Variants in PPP1R12A observed in about 807,000 individuals in gnomAD.
The protein encoded by PPP1R12A is myosin binding subunit.
Under a neutral mutation model 139.6 loss-of-function variants are expected in PPP1R12A, and 19 were observed. The ratio of observed to expected loss-of-function variants is 0.14; its 90% CI spans 0.09 to 0.20. PPP1R12A has a LOEUF of 0.20. PPP1R12A is among the 10% of genes least tolerant of loss of function. The pLI, the probability that PPP1R12A is intolerant of heterozygous loss-of-function variation, is 1.00. For synonymous variants in PPP1R12A, 427 were observed against 420.6 expected, an observed-to-expected ratio of 1.02 and a Z score of -0.19; for missense variants, 925 against 1,211.5, an observed-to-expected ratio of 0.76 and a Z score of 3.51.
intron 1 of PPP1R12A, among the ~76,000 whole-genome samples, chr12:79,899,231 AAAATATATATATATAT>A (rs1183095657): frequency 4.1e-5 from 5 of 122,708 alleles, no homozygotes; most frequent in East Asian, 5.2e-4. Flanking sequence ...AGAGATCTTA[AAAATATATATATATAT>A]ATATATATAT....
At chr12:79,877,674 C>A (rs1320142203) in intron 1 of PPP1R12A, among the ~76,000 whole-genome samples, 1 of 152,112 alleles carries the variant, frequency 6.6e-6, no homozygotes, top group Non-Finnish European at 1.5e-5. Context: ...TGCCACCATG[C>A]CTGGCTAATT....
chr12:79,903,442 C>A, intron 1 of PPP1R12A, among the ~76,000 whole-genome samples: 1 of 141,408 alleles, frequency 7.1e-6, no homozygotes, highest in Non-Finnish European at 1.5e-5. Flanking sequence ...CAGAGCAGGA[C>A]TCCATCTCAA....
chr12:79,867,956 A>C (rs1394610124), intron 2 of PPP1R12A, among the ~76,000 whole-genome samples: 2 of 152,198 alleles, frequency 1.3e-5, no homozygotes, highest in Non-Finnish European at 2.9e-5. Context: ...TGAGTCAATT[A>C]AATCTTGTTC....
chr12:79,865,127 AGTCG>A (rs1881818151), intron 2 of PPP1R12A, among the ~76,000 whole-genome samples: 2 of 152,234 alleles, frequency 1.3e-5, no homozygotes, highest in Non-Finnish European at 2.9e-5. Context: ...ACCACGATCA[AGTCG>A]GCTTCAGCCC....
In PPP1R12A at chr12:79,845,244, G is replaced by A. The variant is rs1242539718; in HGVS notation, c.487+58C>T. On this transcript the variant is annotated intron_variant, in intron 3 of 24. Coordinates refer to ENST00000450142, the MANE Select transcript of PPP1R12A (RefSeq NM_002480.3). ...TTCAATGTCAACAAATATTTTTGCT[G>A]GAAAAGTATCACATTCTTTCTAAAA... is the stretch of plus-strand genomic sequence containing the variant. The A allele has an allele frequency of 6.1e-6, 8 of 1,305,410 alleles. No individual in the cohort carries two copies. The African/African-American group carries it at 1.0e-4, about 17-fold the overall frequency. 80.9% of individuals were successfully genotyped at this position (1,305,410 alleles called of 1,614,324 possible).
In PPP1R12A at chr12:79,845,333, T is replaced by C; in HGVS notation, c.456A>G (p.Glu152=). 1 of 1,613,000 alleles carries C rather than the reference T, an allele frequency of 6.2e-7. No individual in the cohort carries two copies. The highest frequency in any genetic ancestry group is 8.5e-7 in the Non-Finnish European group (1 of 1,179,126). Residue 152 remains glutamate (E), a synonymous_variant, in exon 3 of 25, where the codon GAA becomes GAG. Coordinates refer to ENST00000450142, the MANE Select transcript of PPP1R12A (RefSeq NM_002480.3). ...GATTAACTTCATTTTGAAGTAGCTC[T>C]TCCATTGCCTCCTCCTCCGCAATAT... ...PLDIAEEEAM[E]ELLQNEVNRQ...
chr12:79,894,700 CTTT>C (rs892491122), intron 1 of PPP1R12A, among the ~76,000 whole-genome samples: 2 of 152,116 alleles, frequency 1.3e-5, no homozygotes, highest in Admixed American at 1.3e-4. Flanking sequence ...TCACGCACTC[CTTT>C]GTCATTTTAA....
Position 79,816,672 on chromosome 12 carries a change from G to A in PPP1R12A, c.1239+722C>T, listed in dbSNP as rs1461859936. Among the ~76,000 whole-genome samples the A allele has an allele frequency of 3.3e-5, 5 of 152,128 alleles. No individual in the cohort carries two copies. The South Asian group carries it at 1.0e-3, about 32-fold the overall frequency. On this transcript the variant is annotated intron_variant, in intron 9 of 24. Coordinates refer to ENST00000450142, the MANE Select transcript of PPP1R12A (RefSeq NM_002480.3). ...AGGGATGGAGAACAGACAGAGAACA[G>A]AAAGAAGAGAAAGAAATGAAACTAA...
chr12:79,798,792 T>C (rs1872755180), intron 14 of PPP1R12A, among the ~76,000 whole-genome samples: 1 of 152,186 alleles, frequency 6.6e-6, no homozygotes, highest in African/African-American at 2.4e-5. Flanking sequence ...AATTATATTT[T>C]AACATCACAT....
At chr12:79,799,383 C>CA (rs1872835127) in intron 14 of PPP1R12A, among the ~76,000 whole-genome samples, 1 of 152,158 alleles carries the variant, frequency 6.6e-6, no homozygotes, top group South Asian at 2.1e-4. Context: ...CTCCTGACCT[C>CA]AAGTGATCTG....
intron 1 of PPP1R12A, chr12:79,913,816 A>G (rs1428943427): frequency 6.6e-6 from 1 of 152,170 alleles, no homozygotes; most frequent in Non-Finnish European, 1.5e-5. Context: ...AGCCATGAAC[A>G]TAGTATATCC....
chr12:79,839,942 T>C (rs1462514984), intron 3 of PPP1R12A, among the ~76,000 whole-genome samples: 1 of 152,224 alleles, frequency 6.6e-6, no homozygotes, highest in East Asian at 1.9e-4. Flanking sequence ...TAAAATCTGT[T>C]AGAGATGCCC....
At position 79,826,613 on chromosome 12, in the gene PPP1R12A, A is replaced by G. The variant is rs1876808912; in HGVS notation, c.792+1707T>C. Among the ~76,000 whole-genome samples the G allele has an allele frequency of 1.3e-5, 2 of 152,194 alleles. 1 individual carries two copies. The highest frequency in any genetic ancestry group is 4.1e-4 in the South Asian group (2 of 4,836). ...AGCTGCTACTATAGTAATTTTTTAA[A>G]AAAGGATATAAGGCAAAATAATTTT... On this transcript the variant is annotated intron_variant, in intron 5 of 24. Coordinates refer to ENST00000450142, the MANE Select transcript of PPP1R12A (RefSeq NM_002480.3).
chr12:79,814,408 C>T (rs185709995), intron 9 of PPP1R12A, among the ~76,000 whole-genome samples: 83 of 130,450 alleles, frequency 6.4e-4, no homozygotes, highest in South Asian at 1.1e-3. Context: ...ACTTGGGAGG[C>T]GGAGCTTGCA....
At chr12:79,781,974 A>G (rs1272871508) in intron 22 of PPP1R12A, 112 bp from the exon 23 acceptor site, 2 of 529,810 alleles carry the variant, frequency 3.8e-6, no homozygotes, top group Non-Finnish European at 6.7e-6. Flanking sequence ...GGAGTAAAAC[A>G]CAGGTTCGTG....
intron 5 of PPP1R12A, 128 bp downstream of exon 5, chr12:79,828,192 T>C (rs1344212405): frequency 1.2e-6 from 1 of 815,840 alleles, no homozygotes; most frequent in African/African-American, 1.8e-5. Context: ...AAAAATGTTT[T>C]ATACAGTTAA....
In PPP1R12A at chr12:79,805,654, T is replaced by G. The variant is rs370729643; in HGVS notation, c.1938A>C (p.Thr646=). The change falls in exon 14 of 25, where the codon ACA becomes ACC. Residue 646 remains threonine (T), a synonymous_variant. Coordinates refer to ENST00000450142, the MANE Select transcript of PPP1R12A (RefSeq NM_002480.3). The part of the protein sequence containing the change: ...PTVVNAAAST[T]TLTTTTAGTV... ...TGCCAGCAGTAGTTGTAGTCAGGGT[T>G]GTGGTAGAAGCTGCAGCATTTACAA... 34 of 1,613,730 alleles carry G rather than the reference T, an allele frequency of 2.1e-5. No homozygotes were observed. The highest frequency in any genetic ancestry group is 2.7e-5 in the Non-Finnish European group (32 of 1,179,808).
chr12:79,832,752 TG>T lies in PPP1R12A; in HGVS notation c.488-262del, dbSNP rs368081142. On this transcript the variant is annotated intron_variant, in intron 3 of 24. Transcript: ENST00000450142. ...ATTTTTCCTTTCTGATTATTCTTCT[TG>T]TTTTTTAAAAATTTGAACATTTCCT... is the stretch of plus-strand genomic sequence containing the variant. 5.1e-3 allele frequency among the ~76,000 whole-genome samples: 776 copies of T among 152,260 alleles called. 5 individuals are homozygous for T. Among genetic ancestry groups the T allele is most frequent in the African/African-American group, 0.018 (736 of 41,538 alleles).
intron 19 of PPP1R12A, among the ~76,000 whole-genome samples, chr12:79,792,456 T>C (rs565286551): frequency 1.3e-5 from 2 of 152,310 alleles, no homozygotes; most frequent in South Asian, 4.1e-4. Flanking sequence ...TGACTTAGGT[T>C]TCATATTGTT....
Sources: allele counts gnomAD v4.1 joint callset (sites outside exome capture counted in the v4.1 genomes callset), GRCh38; gene constraint gnomAD v4.1.1; transcripts MANE v1.5; gene names NCBI Gene and HGNC (gene_info 2026-07-23, HGNC 2026-07-21).